The following RPS6KC1 variants were observed in gnomAD, a reference collection of about 807,000 sequenced individuals.
The protein encoded by RPS6KC1 is inactive ribosomal protein S6 kinase delta-1.
In RPS6KC1, 54 loss-of-function variants were observed where a neutral mutation model predicts 103.8. The observed-to-expected ratio is 0.52, with a 90% CI of 0.42 to 0.65. The LOEUF is 0.65. Among genes scored for constraint, RPS6KC1 ranks in the 30% least tolerant of loss-of-function variants. The pLI is 0.00. For synonymous variants in RPS6KC1, 439 were observed against 438.7 expected (o/e 1.00, Z -0.01); for missense variants, 1,151 against 1,253.8 (o/e 0.92, Z 1.24).
the RPS6KC1 span, among the ~76,000 whole-genome samples, chr1:213,493,789 C>T: frequency 6.6e-6 from 1 of 152,164 alleles, no homozygotes; most frequent in Non-Finnish European, 1.5e-5. Flanking sequence ...TGAAAGACCT[C>T]ATAGGGAAAG....
chr1:213,148,424 G>A (rs1330429082), intron 6 of RPS6KC1, among the ~76,000 whole-genome samples: 1 of 152,032 alleles, frequency 6.6e-6, no homozygotes, highest in African/African-American at 2.4e-5. Context: ...TTCAGCATCC[G>A]TTGAAATAAT....
intron 8 of RPS6KC1, among the ~76,000 whole-genome samples, chr1:213,199,655 G>A (rs2093080063): frequency 6.6e-6 from 1 of 152,124 alleles, no homozygotes; most frequent in Non-Finnish European, 1.5e-5. Context: ...AGGGTAATCA[G>A]GCAAGAGAAA....
rs59871704 is a variant in RPS6KC1 at position 213,183,231 on chromosome 1, A to T, written c.1044+6739A>T. 3.1e-3 allele frequency among the ~76,000 whole-genome samples: 471 copies of T among 152,266 alleles called. 2 individuals are homozygous for T. The highest frequency in any genetic ancestry group is 1.0e-2 in the African/African-American group (414 of 41,542). ...TAGGCAGTTACAGGTGGAGACTTCA[A>T]CTGTCTCAAAAACTGATAAAACGGT... On this transcript the variant is annotated intron_variant, in intron 8 of 14. Transcript: ENST00000366960.
At chr1:213,077,837 T>C (rs2079486428) in intron 3 of RPS6KC1, 21 bp downstream of exon 3, 2 of 1,424,056 alleles carry the variant, frequency 1.4e-6, no homozygotes, top group Non-Finnish European at 1.9e-6. Flanking sequence ...ATTTTGAAAT[T>C]GTAATTTAAA....
chr1:213,676,764 A>T, the RPS6KC1 span, among the ~76,000 whole-genome samples: 9 of 152,164 alleles, frequency 5.9e-5, no homozygotes, highest in African/African-American at 1.7e-4. Flanking sequence ...TTTTCTGTAT[A>T]CCCCATCCTA....
At chr1:213,774,987 G>A in the RPS6KC1 span, among the ~76,000 whole-genome samples, 1 of 152,186 alleles carries the variant, frequency 6.6e-6, no homozygotes, top group Non-Finnish European at 1.5e-5. Context: ...GAGGGCCAGG[G>A]GAGGAAAGGG....
chr1:213,668,789 T>C, the RPS6KC1 span, among the ~76,000 whole-genome samples: 1 of 152,218 alleles, frequency 6.6e-6, no homozygotes, highest in South Asian at 2.1e-4. Flanking sequence ...TTAGATCTTC[T>C]GGATAACTTG....
chr1:213,804,800 A>C, the RPS6KC1 span, among the ~76,000 whole-genome samples: 2 of 152,218 alleles, frequency 1.3e-5, no homozygotes, highest in African/African-American at 2.4e-5. Flanking sequence ...AATTAGAGAA[A>C]CACATGGGTT....
the RPS6KC1 span, among the ~76,000 whole-genome samples, chr1:213,345,753 G>A: frequency 6.6e-6 from 1 of 152,154 alleles, no homozygotes; most frequent in Non-Finnish European, 1.5e-5. Context: ...CTCTGCTTAG[G>A]TTCTCAGACT....
the RPS6KC1 span, among the ~76,000 whole-genome samples, chr1:213,549,519 C>A: frequency 3.3e-5 from 5 of 151,768 alleles, no homozygotes; most frequent in Admixed American, 3.3e-4. Context: ...GTTCCCTGTT[C>A]TCTTCTACCT....
chr1:213,238,028 A>C (rs914173390), intron 10 of RPS6KC1, among the ~76,000 whole-genome samples: 2 of 152,098 alleles, frequency 1.3e-5, no homozygotes, highest in African/African-American at 4.8e-5. Context: ...ATCTTTTTAT[A>C]ACTCAGTTTA....
chr1:213,696,976 G>A, the RPS6KC1 span, among the ~76,000 whole-genome samples: 1 of 152,198 alleles, frequency 6.6e-6, no homozygotes, highest in Non-Finnish European at 1.5e-5. Context: ...ACAAGAGGCT[G>A]TCACCTATAC....
the RPS6KC1 span, among the ~76,000 whole-genome samples, chr1:213,850,363 G>A: frequency 1.3e-5 from 2 of 152,128 alleles, no homozygotes; most frequent in Non-Finnish European, 2.9e-5. Flanking sequence ...GACACTGTGT[G>A]TTTTACTGTG....
the RPS6KC1 span, among the ~76,000 whole-genome samples, chr1:213,390,934 C>T: frequency 6.6e-6 from 1 of 152,086 alleles, no homozygotes; most frequent in South Asian, 2.1e-4. Context: ...TCTCAAACAA[C>T]TGGATACAGA....
the RPS6KC1 span, among the ~76,000 whole-genome samples, chr1:213,378,696 C>T: frequency 2.0e-5 from 3 of 152,058 alleles, no homozygotes; most frequent in African/African-American, 4.8e-5. Context: ...GAAATGAATG[C>T]GTGAGAATAA....
In RPS6KC1 at chr1:213,152,159, G is replaced by A. The variant is rs1197261815; in HGVS notation, c.836-15699G>A. On this transcript the variant is annotated intron_variant, in intron 6 of 14. Transcript: ENST00000366960. ...CAGAGGCGCCCCTCACCTCCTGGAC[G>A]GGGCAGCTGGCCGGGCGGGGGGCTG... Among the ~76,000 whole-genome samples the A allele has an allele frequency of 2.6e-4, 36 of 139,026 alleles. 1 individual carries two copies. The highest frequency in any genetic ancestry group is 1.9e-3 in the Admixed American group (27 of 14,404). 91.2% of individuals were successfully genotyped at this position (139,026 alleles called of 152,430 possible).
intron 8 of RPS6KC1, chr1:213,205,536 T>TTTTATATATATATATATA (rs1553378412): frequency 9.7e-5 from 8 of 82,318 alleles, no homozygotes; most frequent in South Asian, 8.7e-4. Context: ...ACAAACTCAT[T>TTTTATATATATATATATA]TATATATATA....
At chr1:213,110,514 G>GGCTA (rs2082917961) in intron 4 of RPS6KC1, among the ~76,000 whole-genome samples, 1 of 152,148 alleles carries the variant, frequency 6.6e-6, no homozygotes, top group Admixed American at 6.5e-5. Context: ...TTTTAAGCCA[G>GGCTA]GCTATATAGG....
At chr1:213,859,066 T>A in the RPS6KC1 span, among the ~76,000 whole-genome samples, 1 of 152,184 alleles carries the variant, frequency 6.6e-6, no homozygotes, top group Admixed American at 6.5e-5. Flanking sequence ...AAGATGACCA[T>A]GTTTATGCAG....
Sources: allele counts gnomAD v4.1 joint callset (sites outside exome capture counted in the v4.1 genomes callset), GRCh38; gene constraint gnomAD v4.1.1; transcripts MANE v1.5; gene names NCBI Gene and HGNC (gene_info 2026-07-23, HGNC 2026-07-21).